DIAPH3: variants seen among roughly 807,000 people sequenced by gnomAD.
DIAPH3 encodes the protein protein diaphanous homolog 3.
Under a neutral mutation model 144.3 loss-of-function variants are expected in DIAPH3, and 117 were observed. The ratio of observed to expected loss-of-function variants is 0.81; its 90% CI spans 0.70 to 0.95. The LOEUF is 0.95. Among genes scored for constraint, DIAPH3 ranks in the 40% least tolerant of loss-of-function variants. The pLI is 0.00. For synonymous variants in DIAPH3, 519 were observed against 488.9 expected, an observed-to-expected ratio of 1.06 and a Z score of -0.81; for missense variants, 1,421 against 1,412.7, an observed-to-expected ratio of 1.01 and a Z score of -0.09.
intron 18 of DIAPH3, among the ~76,000 whole-genome samples, chr13:59,922,132 T>C (rs2047549526): frequency 6.6e-6 from 1 of 152,054 alleles, no homozygotes; most frequent in Non-Finnish European, 1.5e-5. Flanking sequence ...AAGCTTTTCC[T>C]ATAAAATCTG....
At chr13:59,887,117 G>A (rs761267650) in intron 20 of DIAPH3, among the ~76,000 whole-genome samples, 4 of 151,840 alleles carry the variant, frequency 2.6e-5, no homozygotes, top group Non-Finnish European at 5.9e-5. Flanking sequence ...ACTGAATTCT[G>A]TCAAATGCGT....
intron 4 of DIAPH3, among the ~76,000 whole-genome samples, chr13:60,087,566 A>C (rs1487222910): frequency 6.6e-6 from 1 of 152,184 alleles, no homozygotes; most frequent in African/African-American, 2.4e-5. Context: ...TTAATACTTG[A>C]TATTTAACTT....
intron 9 of DIAPH3, among the ~76,000 whole-genome samples, chr13:60,000,002 C>G (rs866136479): frequency 2.2e-4 from 33 of 152,256 alleles, no homozygotes; most frequent in African/African-American, 7.9e-4. Context: ...AGGTATTTAA[C>G]AGAACACTTT....
chr13:59,883,504 T>C (rs2140081547), intron 20 of DIAPH3, among the ~76,000 whole-genome samples: 1 of 152,330 alleles, frequency 6.6e-6, no homozygotes, highest in African/African-American at 2.4e-5. Context: ...CTTAACTCTC[T>C]AACAGTATAG....
intron 27 of DIAPH3, among the ~76,000 whole-genome samples, chr13:59,717,524 A>C (rs1265325045): frequency 3.3e-5 from 5 of 152,128 alleles, no homozygotes; most frequent in African/African-American, 1.2e-4. Flanking sequence ...CAGTCTGACC[A>C]CTCACTCAGA....
At chr13:59,875,997 T>A (rs1449295987) in intron 21 of DIAPH3, among the ~76,000 whole-genome samples, 2 of 152,194 alleles carry the variant, frequency 1.3e-5, no homozygotes, top group Admixed American at 1.3e-4. Context: ...TGAATTTTCA[T>A]GAATTTTTCA....
intron 27 of DIAPH3, among the ~76,000 whole-genome samples, chr13:59,742,562 A>G (rs2036510328): frequency 6.6e-6 from 1 of 152,012 alleles, no homozygotes. Flanking sequence ...TGCTGCTAAA[A>G]GAAGAAAAGA....
chr13:60,035,532 C>T (rs1447622892), intron 5 of DIAPH3, among the ~76,000 whole-genome samples: 1 of 152,158 alleles, frequency 6.6e-6, no homozygotes, highest in Non-Finnish European at 1.5e-5. Context: ...TTAATAGTTA[C>T]TTTCTTCCAC....
chr13:60,158,770 G>A (rs1249628536), intron 1 of DIAPH3, among the ~76,000 whole-genome samples: 1 of 151,962 alleles, frequency 6.6e-6, no homozygotes, highest in East Asian at 1.9e-4. Flanking sequence ...CAGGAGGTTG[G>A]AGGCTATGAG....
intron 20 of DIAPH3, among the ~76,000 whole-genome samples, chr13:59,905,342 C>CAAAAAAAAA (rs59114311): frequency 4.3e-4 from 30 of 69,750 alleles, no homozygotes; most frequent in Admixed American, 5.6e-4. Flanking sequence ...GACTCTGTCT[C>CAAAAAAAAA]AAAAAAAAAA....
At chr13:60,097,133 C>T (rs1377088022) in intron 3 of DIAPH3, among the ~76,000 whole-genome samples, 3 of 152,132 alleles carry the variant, frequency 2.0e-5, no homozygotes, top group Admixed American at 6.5e-5. Context: ...ATATGGCACT[C>T]GCCTTCCTGA....
At chr13:59,859,186 T>C (rs1238582421) in intron 22 of DIAPH3, among the ~76,000 whole-genome samples, 3 of 152,114 alleles carry the variant, frequency 2.0e-5, no homozygotes, top group African/African-American at 7.2e-5. Flanking sequence ...CTATAAAAAG[T>C]ACTTCAGTGA....
At chr13:59,674,105 G>A (rs1485202366) in intron 27 of DIAPH3, among the ~76,000 whole-genome samples, 1 of 152,196 alleles carries the variant, frequency 6.6e-6, no homozygotes, top group East Asian at 1.9e-4. Flanking sequence ...ACTGTGACCT[G>A]TGAAATCTGG....
At chr13:60,101,451 C>T (rs577174763) in intron 3 of DIAPH3, among the ~76,000 whole-genome samples, 6 of 152,166 alleles carry the variant, frequency 3.9e-5, no homozygotes, top group South Asian at 4.1e-4. Context: ...GCACCCAGGA[C>T]GGTTCTGAAT....
chr13:60,061,643 G>A (rs1031117850), intron 4 of DIAPH3, among the ~76,000 whole-genome samples: 2 of 150,786 alleles, frequency 1.3e-5, no homozygotes, highest in African/African-American at 4.9e-5. Context: ...ATGTAAGAAG[G>A]AAACTAAACA....
At chr13:60,144,213 A>G (rs1594773149) in intron 1 of DIAPH3, among the ~76,000 whole-genome samples, 2 of 152,162 alleles carry the variant, frequency 1.3e-5, no homozygotes, top group Non-Finnish European at 2.9e-5. Flanking sequence ...TCTTTTCCCA[A>G]TACGGATGCC....
intron 17 of DIAPH3, among the ~76,000 whole-genome samples, chr13:59,951,572 A>G (rs1212177708): frequency 6.6e-6 from 1 of 152,242 alleles, no homozygotes; most frequent in Non-Finnish European, 1.5e-5. Context: ...CATTCACTCA[A>G]TAAACTTCAT....
intron 3 of DIAPH3, among the ~76,000 whole-genome samples, chr13:60,094,297 G>T (rs2058041688): frequency 6.6e-6 from 1 of 152,106 alleles, no homozygotes; most frequent in Admixed American, 6.5e-5. Context: ...TTACATAAAA[G>T]TTGTACTTAT....
At chr13:59,824,614 T>C (rs2041269043) in intron 24 of DIAPH3, among the ~76,000 whole-genome samples, 1 of 152,172 alleles carries the variant, frequency 6.6e-6, no homozygotes, top group Non-Finnish European at 1.5e-5. Flanking sequence ...AGATGGGAGA[T>C]ATATATAGGA....
Sources: allele counts gnomAD v4.1 joint callset (sites outside exome capture counted in the v4.1 genomes callset), GRCh38; gene constraint gnomAD v4.1.1; transcripts MANE v1.5; gene names NCBI Gene and HGNC (gene_info 2026-07-23, HGNC 2026-07-21).